Variants in LYPD6 observed in about 807,000 individuals in gnomAD.
LYPD6 encodes LY6/PLAUR domain containing 6.
In LYPD6, 15 loss-of-function variants were observed where a neutral mutation model predicts 22.7. That is an observed-to-expected ratio of 0.66 (90% CI 0.44 to 1.02). The LOEUF (loss-of-function observed/expected upper bound fraction) is 1.02. Among genes scored for constraint, LYPD6 ranks in the 50% least tolerant of loss-of-function variants. The probability of loss-of-function intolerance (pLI) is 0.00; values close to 1 mark genes in which losing one functional copy is unlikely to be tolerated. For synonymous variants in LYPD6, 72 were observed against 77.5 expected (o/e 0.93, Z 0.37); for missense variants, 189 against 208.4 (o/e 0.91, Z 0.57).
chr2:149,483,723 C>A, the LYPD6 span, among the ~76,000 whole-genome samples: 7 of 152,232 alleles, frequency 4.6e-5, no homozygotes, highest in Admixed American at 4.6e-4. Flanking sequence ...AAGCATATAT[C>A]AAAGCATTAC....
At chr2:149,408,755 G>A (rs988314243) in intron 1 of LYPD6, among the ~76,000 whole-genome samples, 1 of 152,152 alleles carries the variant, frequency 6.6e-6, no homozygotes, top group Non-Finnish European at 1.5e-5. Flanking sequence ...TTTACAGAAG[G>A]TGTGATTGTT....
intron 1 of LYPD6, among the ~76,000 whole-genome samples, chr2:149,337,055 C>A (rs1573725676): frequency 6.6e-6 from 1 of 152,054 alleles, no homozygotes; most frequent in East Asian, 1.9e-4. Flanking sequence ...ATTTTACATT[C>A]AAATCCATAA....
chr2:149,411,585 G>A (rs1450894267), intron 1 of LYPD6, among the ~76,000 whole-genome samples: 5 of 152,046 alleles, frequency 3.3e-5, no homozygotes, highest in Non-Finnish European at 5.9e-5. Context: ...TGTGGGGTGC[G>A]ATATAATTTG....
chr2:149,481,626 C>T, the LYPD6 span, among the ~76,000 whole-genome samples: 2 of 152,168 alleles, frequency 1.3e-5, no homozygotes, highest in Non-Finnish European at 2.9e-5. Context: ...AGCACATCCA[C>T]TTGATATACT....
chr2:149,331,224 GC>G (rs1353538257), intron 1 of LYPD6, among the ~76,000 whole-genome samples: 1 of 152,066 alleles, frequency 6.6e-6, no homozygotes, highest in Non-Finnish European at 1.5e-5. Flanking sequence ...GTACCTCCCC[GC>G]CGCTGCAAGA....
chr2:149,387,585 G>C (rs1031388806), intron 1 of LYPD6, among the ~76,000 whole-genome samples: 1 of 152,198 alleles, frequency 6.6e-6, no homozygotes, highest in Non-Finnish European at 1.5e-5. Context: ...CCTTTGGGTG[G>C]AATTAAGGAA....
intron 2 of LYPD6, among the ~76,000 whole-genome samples, chr2:149,441,527 C>T (rs940269168): frequency 1.3e-5 from 2 of 152,190 alleles, no homozygotes; most frequent in Non-Finnish European, 2.9e-5. Flanking sequence ...CCCTGGTTTC[C>T]TAATCTTTGA....
Position 149,340,357 on chromosome 2 carries a change from C to A in LYPD6, c.-72+9635C>A, listed in dbSNP as rs555616677. On this transcript the variant is annotated intron_variant, in intron 1 of 4. Coordinates refer to ENST00000334166, the MANE Select transcript of LYPD6 (RefSeq NM_194317.5). The stretch of plus-strand genomic sequence containing the variant: ...GAACTTTAGATAATATAATCATTTA[C>A]TTGCACTTATAATAACAGCATTTAT... 1.1e-4 allele frequency among the ~76,000 whole-genome samples: 17 copies of A among 152,232 alleles called. No homozygotes were observed. The East Asian group carries it at 3.1e-3, about 28-fold the overall frequency.
At chr2:149,431,569 A>G (rs187488770) in intron 1 of LYPD6, among the ~76,000 whole-genome samples, 1 of 152,342 alleles carries the variant, frequency 6.6e-6, no homozygotes, top group East Asian at 1.9e-4. Context: ...TTACTGCAGG[A>G]ATGTAAACAG....
chr2:149,426,905 A>T (rs1434907868), intron 1 of LYPD6, among the ~76,000 whole-genome samples: 3 of 152,182 alleles, frequency 2.0e-5, no homozygotes, highest in African/African-American at 7.2e-5. Context: ...CTCTAAAATG[A>T]TGACAGAGTG....
At chr2:149,393,977 A>T (rs1013001874) in intron 1 of LYPD6, among the ~76,000 whole-genome samples, 2 of 152,164 alleles carry the variant, frequency 1.3e-5, no homozygotes, top group African/African-American at 4.8e-5. Flanking sequence ...AGACCTGCCG[A>T]TAGAGGTAGG....
chr2:149,335,311 C>T (rs1681014952), intron 1 of LYPD6, among the ~76,000 whole-genome samples: 1 of 151,894 alleles, frequency 6.6e-6, no homozygotes, highest in Admixed American at 6.6e-5. Flanking sequence ...GATCGTAATC[C>T]CGTATAGGCC....
chr2:149,486,117 A>G, the LYPD6 span, among the ~76,000 whole-genome samples: 1 of 152,216 alleles, frequency 6.6e-6, no homozygotes, highest in Non-Finnish European at 1.5e-5. Context: ...TCTCTATTCC[A>G]TTCTGTTCCA....
At position 149,467,639 on chromosome 2, in the gene LYPD6, T is replaced by C. The variant is rs562002020; in HGVS notation, c.218-1006T>C. Among the ~76,000 whole-genome samples the C allele has an allele frequency of 7.2e-5, 11 of 152,310 alleles. No individual in the cohort carries two copies. The East Asian group carries it at 2.1e-3, about 29-fold the overall frequency. ...TCTCATAGAAGGTCATAATTCCATA[T>C]TAGCCACTAAATATCTGAAATGTAT... On this transcript the variant is annotated intron_variant, in intron 3 of 4. Transcript: ENST00000334166.
chr2:149,442,572 C>G (rs540062457), intron 2 of LYPD6, among the ~76,000 whole-genome samples: 18 of 152,018 alleles, frequency 1.2e-4, no homozygotes, highest in African/African-American at 4.3e-4. Flanking sequence ...TTTGAAACTC[C>G]GCTTGCTCTA....
At chr2:149,485,199 T>G in the LYPD6 span, among the ~76,000 whole-genome samples, 2 of 152,296 alleles carry the variant, frequency 1.3e-5, no homozygotes, top group Admixed American at 1.3e-4. Flanking sequence ...GGGAGGGCAT[T>G]CCTTATGCTC....
At chr2:149,343,907 G>A (rs1318678766) in intron 1 of LYPD6, among the ~76,000 whole-genome samples, 1 of 151,960 alleles carries the variant, frequency 6.6e-6, no homozygotes, top group African/African-American at 2.4e-5. Context: ...AAAAAACAGT[G>A]GATTAAAAAT....
intron 1 of LYPD6, chr2:149,370,602 C>T (rs754372212): frequency 6.6e-6 from 1 of 152,178 alleles, no homozygotes; most frequent in Non-Finnish European, 1.5e-5. Context: ...TCTTGGAATT[C>T]CCACCGTCTA....
At chr2:149,340,615 C>G (rs1489896618) in intron 1 of LYPD6, among the ~76,000 whole-genome samples, 1 of 152,130 alleles carries the variant, frequency 6.6e-6, no homozygotes, top group Non-Finnish European at 1.5e-5. Flanking sequence ...TGACCTTTAG[C>G]CAGTAGGTCA....
Sources: allele counts gnomAD v4.1 joint callset (sites outside exome capture counted in the v4.1 genomes callset), GRCh38; gene constraint gnomAD v4.1.1; transcripts MANE v1.5; gene names NCBI Gene and HGNC (gene_info 2026-07-23, HGNC 2026-07-21).